TAF5L: variants seen among roughly 807,000 people sequenced by gnomAD.
TAF5L encodes TAF5-like RNA polymerase II p300/CBP-associated factor-associated factor 65 kDa subunit 5L.
A neutral mutation model predicts 51.3 loss-of-function variants in TAF5L; 7 were observed. The observed-to-expected ratio is 0.14, with a 90% confidence interval of 0.08 to 0.26. TAF5L has a LOEUF of 0.26. TAF5L is among the 10% of genes least tolerant of loss of function. The pLI, the probability that TAF5L is intolerant of heterozygous loss-of-function variation, is 1.00. For synonymous variants in TAF5L, 291 were observed against 308.1 expected, an observed-to-expected ratio of 0.94 and a Z score of 0.58; for missense variants, 575 against 758.9, an observed-to-expected ratio of 0.76 and a Z score of 2.85.
Position 229,594,858 on chromosome 1 carries a change from G to A in TAF5L, c.1209C>T (p.Ser403=), listed in dbSNP as rs1558142423. ...ACCACAGCCTGGCGGTGCGGTCGTG[G>A]GACCCGCTGGCGAAGTACAGGCTAT... The change falls in exon 5 of 5, where the codon TCC becomes TCT. Residue 403 remains serine (S), a synonymous_variant. Coordinates refer to ENST00000258281, the Ensembl canonical transcript of TAF5L. This position sits in a 1 kb window ranked among gnomAD's most constrained non-coding sequence, Gnocchi z 7.9. The A allele has an allele frequency of 1.2e-6, 2 of 1,614,206 alleles. No individual in the cohort carries two copies. Among genetic ancestry groups the A allele is most frequent in the African/African-American group, 1.3e-5 (1 of 75,048 alleles).
chr1:229,613,291 C>T (rs1664853336), intron 2 of TAF5L, among the ~76,000 whole-genome samples: 1 of 137,480 alleles, frequency 7.3e-6, no homozygotes, highest in Non-Finnish European at 1.5e-5. Flanking sequence ...GACTGCATCA[C>T]TGCATTCCAG....
intron 4 of TAF5L, chr1:229,600,697 G>A: frequency 2.0e-6 from 2 of 985,354 alleles, no homozygotes; most frequent in Non-Finnish European, 2.4e-6. Context: ...TTCCGCATGC[G>A]GTTCCTCACT....
intron 3 of TAF5L, 118 bp from the exon 4 acceptor site, chr1:229,603,037 A>G (rs1356221781): frequency 7.0e-7 from 1 of 1,432,210 alleles, no homozygotes. Context: ...ATTTTTTAAG[A>G]GTACTGATTG....
chr1:229,605,973 G>GT, intron 3 of TAF5L: 1 of 315,558 alleles, frequency 3.2e-6, no homozygotes, highest in Non-Finnish European at 4.6e-6. Flanking sequence ...TTTTCCCTTT[G>GT]TTTTTTATTG....
chr1:229,606,930 T>C (rs1165152255), intron 3 of TAF5L: 3 of 985,314 alleles, frequency 3.0e-6, no homozygotes, highest in Non-Finnish European at 3.6e-6. Context: ...TCTTATATCT[T>C]TCCCTAGTAT....
chr1:229,598,128 G>C (rs1317596196), intron 4 of TAF5L, among the ~76,000 whole-genome samples: 2 of 152,150 alleles, frequency 1.3e-5, no homozygotes, highest in East Asian at 3.8e-4. Context: ...GTTGGATACT[G>C]GCTAGCATGA....
intron 4 of TAF5L, chr1:229,599,249 TAGA>T: frequency 1.1e-6 from 1 of 918,058 alleles, no homozygotes; most frequent in African/African-American, 1.8e-5. Context: ...TAAGCTTACA[TAGA>T]AGATTTTGGT....
intron 4 of TAF5L, among the ~76,000 whole-genome samples, chr1:229,596,166 T>C (rs956490803): frequency 5.3e-5 from 8 of 152,032 alleles, no homozygotes; most frequent in African/African-American, 1.9e-4. Flanking sequence ...CCCAGACACT[T>C]GGGAGGCTAA....
chr1:229,618,451 C>T (rs932973370), intron 1 of TAF5L, among the ~76,000 whole-genome samples: 3 of 152,056 alleles, frequency 2.0e-5, no homozygotes, highest in East Asian at 3.9e-4. Flanking sequence ...CATGTATCAA[C>T]AGTTGCCAGA....
chr1:229,606,622 G>A (rs954837269), intron 3 of TAF5L: 2 of 985,218 alleles, frequency 2.0e-6, no homozygotes, highest in Non-Finnish European at 2.4e-6. Context: ...TGGTCCTGTC[G>A]TCACTCCCTT....
At chr1:229,619,008 T>C (rs952986531) in intron 1 of TAF5L, among the ~76,000 whole-genome samples, 2 of 152,222 alleles carry the variant, frequency 1.3e-5, no homozygotes, top group African/African-American at 2.4e-5. Flanking sequence ...CTGTTGGCTT[T>C]TGAGTAATTG....
chr1:229,615,475 G>C (rs1253988473), intron 1 of TAF5L, among the ~76,000 whole-genome samples: 1 of 152,034 alleles, frequency 6.6e-6, no homozygotes, highest in South Asian at 2.1e-4. Context: ...ACACTAAGAG[G>C]GTATGTATAT....
chr1:229,623,983 G>A (rs1665322879), intron 1 of TAF5L, among the ~76,000 whole-genome samples: 1 of 152,208 alleles, frequency 6.6e-6, no homozygotes, highest in Non-Finnish European at 1.5e-5. Context: ...TACCTGAGAA[G>A]CCACCAGTCA....
intron 1 of TAF5L, among the ~76,000 whole-genome samples, chr1:229,616,066 G>A (rs1018097135): frequency 2.2e-4 from 34 of 152,240 alleles, no homozygotes; most frequent in Non-Finnish European, 4.4e-4. Context: ...CCAGACTGGA[G>A]TGCAATGGCA....
intron 1 of TAF5L, among the ~76,000 whole-genome samples, chr1:229,615,275 G>A (rs751798571): frequency 6.6e-6 from 1 of 152,110 alleles, no homozygotes; most frequent in Non-Finnish European, 1.5e-5. Flanking sequence ...TTTTAGTAGA[G>A]ACGGGGTTTC....
chr1:229,614,161 T>C, intron 2 of TAF5L, 180 bp downstream of exon 2: 1 of 962,916 alleles, frequency 1.0e-6, no homozygotes, highest in Non-Finnish European at 1.6e-6. Context: ...TGAGCACCGC[T>C]CTAAATGACA....
intron 4 of TAF5L, chr1:229,600,027 T>C (rs975060373): frequency 1.1e-5 from 11 of 984,842 alleles, no homozygotes; most frequent in African/African-American, 1.7e-5. Context: ...TTGTGGCTCC[T>C]GTATTAAGAG....
chr1:229,605,638 C>T (rs1394040624), intron 3 of TAF5L, among the ~76,000 whole-genome samples: 2 of 151,548 alleles, frequency 1.3e-5, no homozygotes, highest in Non-Finnish European at 1.5e-5. Context: ...GAGATTAACA[C>T]ATTTAAGTCA....
intron 1 of TAF5L, among the ~76,000 whole-genome samples, chr1:229,624,495 C>T (rs1307979341): frequency 6.6e-6 from 1 of 152,080 alleles, no homozygotes; most frequent in Non-Finnish European, 1.5e-5. Flanking sequence ...TTTTCATACA[C>T]ATCATTCTTT....
Sources: gnomAD v4.1 joint callset for allele counts (sites outside exome capture counted in the v4.1 genomes callset) on GRCh38, gnomAD v4.1.1 for gene constraint, Gnocchi (gnomAD v3.1) non-coding constraint, MANE v1.5 for transcripts, NCBI Gene and HGNC (gene_info 2026-07-23, HGNC 2026-07-21) for gene names.